The following SCFD2 variants were observed in gnomAD, a reference collection of about 807,000 sequenced individuals.
SCFD2 encodes sec1 family domain containing 2.
Under a neutral mutation model 58.9 loss-of-function variants are expected in SCFD2, and 54 were observed. That is an observed-to-expected ratio of 0.92 (90% CI 0.74 to 1.15). The LOEUF (loss-of-function observed/expected upper bound fraction) is 1.15. Among genes scored for constraint, SCFD2 ranks in the 50% most tolerant of loss-of-function variants. The pLI is 0.00. For synonymous variants in SCFD2, 321 were observed against 335.9 expected (o/e 0.96, Z 0.49); for missense variants, 805 against 836.6 (o/e 0.96, Z 0.47).
chr4:53,123,890 G>A (rs75307664), intron 5 of SCFD2, among the ~76,000 whole-genome samples: 3,877 of 152,234 alleles, frequency 0.025, 157 homozygotes, highest in African/African-American at 0.088. Context: ...TTTAACAACC[G>A]TCTCAGGTGA....
intron 4 of SCFD2, among the ~76,000 whole-genome samples, chr4:53,157,153 T>C (rs573239526): frequency 6.6e-6 from 1 of 152,358 alleles, no homozygotes; most frequent in African/African-American, 2.4e-5. Context: ...ATGTGATTTT[T>C]TGAATTACAT....
chr4:53,108,008 A>C (rs373543234), intron 5 of SCFD2, among the ~76,000 whole-genome samples: 1 of 152,224 alleles, frequency 6.6e-6, no homozygotes. Context: ...AAGAACGGAA[A>C]TCAGAACAAC....
chr4:53,332,706 C>G (rs891712679), intron 2 of SCFD2, among the ~76,000 whole-genome samples: 2 of 152,058 alleles, frequency 1.3e-5, no homozygotes, highest in African/African-American at 4.8e-5. Context: ...GATGCCCTCT[C>G]TCACCACTCC....
Position 53,344,143 on chromosome 4 carries a change from A to G in SCFD2, c.1007+8455T>C, listed in dbSNP as rs1303963453. 4.6e-5 allele frequency among the ~76,000 whole-genome samples: 7 copies of G among 151,850 alleles called. 1 individual carries two copies. The East Asian group carries it at 1.2e-3, about 26-fold the overall frequency. On this transcript the variant is annotated intron_variant, in intron 2 of 8. Transcript: ENST00000401642. ...GAAATAAAGGATATTCAATTAGGAA[A>G]AAAGGAAGTCAAATTGTCTCTGTTT...
chr4:52,975,759 A>C (rs1234158657), intron 5 of SCFD2, among the ~76,000 whole-genome samples: 1 of 152,182 alleles, frequency 6.6e-6, no homozygotes, highest in Non-Finnish European at 1.5e-5. Flanking sequence ...AATAGCAAAG[A>C]CTTGGAACCA....
chr4:53,222,871 T>G (rs1210251954), intron 4 of SCFD2, among the ~76,000 whole-genome samples: 2 of 152,216 alleles, frequency 1.3e-5, no homozygotes, highest in Non-Finnish European at 2.9e-5. Flanking sequence ...TGCATTTAAT[T>G]TGGTACCCAG....
intron 5 of SCFD2, among the ~76,000 whole-genome samples, chr4:53,057,644 C>T (rs1284275641): frequency 1.3e-5 from 2 of 151,958 alleles, no homozygotes; most frequent in Non-Finnish European, 2.9e-5. Flanking sequence ...CAACCCTGTA[C>T]ATTCTGCACA....
At chr4:53,215,338 G>T (rs529548273) in intron 4 of SCFD2, among the ~76,000 whole-genome samples, 2 of 152,208 alleles carry the variant, frequency 1.3e-5, no homozygotes, top group East Asian at 3.9e-4. Flanking sequence ...TTGAGCAGTG[G>T]TTTGTAGTTC....
intron 4 of SCFD2, among the ~76,000 whole-genome samples, chr4:53,213,115 AAATT>A (rs1236366564): frequency 2.6e-5 from 4 of 152,130 alleles, no homozygotes; most frequent in African/African-American, 9.7e-5. Flanking sequence ...AATCACGATT[AAATT>A]ATTTAGTAGG....
At chr4:53,281,714 C>G (rs1349898202) in intron 3 of SCFD2, among the ~76,000 whole-genome samples, 10 of 152,170 alleles carry the variant, frequency 6.6e-5, no homozygotes, top group Admixed American at 5.2e-4. Flanking sequence ...CAAAAGATTG[C>G]AACACCTTTT....
intron 3 of SCFD2, among the ~76,000 whole-genome samples, chr4:53,295,253 T>C (rs1280183575): frequency 6.6e-6 from 1 of 152,224 alleles, no homozygotes; most frequent in Non-Finnish European, 1.5e-5. Context: ...TTTCACAATA[T>C]TGATTCATCC....
At chr4:53,297,335 A>G (rs1732075139) in intron 3 of SCFD2, among the ~76,000 whole-genome samples, 1 of 152,148 alleles carries the variant, frequency 6.6e-6, no homozygotes, top group Non-Finnish European at 1.5e-5. Context: ...TTGGGTACAT[A>G]TATATTTACT....
At chr4:53,230,055 A>G (rs938124641) in intron 4 of SCFD2, among the ~76,000 whole-genome samples, 8 of 152,254 alleles carry the variant, frequency 5.3e-5, no homozygotes, top group African/African-American at 1.9e-4. Flanking sequence ...GAGAATGCAA[A>G]TCAAAACCAC....
At chr4:52,925,259 G>GTGTA (rs1553909086) in intron 5 of SCFD2, among the ~76,000 whole-genome samples, 1 of 147,440 alleles carries the variant, frequency 6.8e-6, no homozygotes, top group African/African-American at 2.5e-5. Flanking sequence ...GGCCACATGT[G>GTGTA]TATATATATA....
chr4:53,256,969 T>A (rs1730663427), intron 4 of SCFD2, among the ~76,000 whole-genome samples: 1 of 151,094 alleles, frequency 6.6e-6, no homozygotes, highest in South Asian at 2.1e-4. Flanking sequence ...TCTTTATAAA[T>A]CATCCAGTCT....
At chr4:53,002,519 T>C (rs1468901869) in intron 5 of SCFD2, among the ~76,000 whole-genome samples, 2 of 152,230 alleles carry the variant, frequency 1.3e-5, no homozygotes, top group Non-Finnish European at 2.9e-5. Flanking sequence ...AGGATTACTA[T>C]CCCCACCACT....
intron 5 of SCFD2, among the ~76,000 whole-genome samples, chr4:52,927,432 C>A (rs1719889749): frequency 6.6e-6 from 1 of 152,170 alleles, no homozygotes; most frequent in Admixed American, 6.5e-5. Context: ...AAGACACCTG[C>A]AGCACAATCT....
chr4:53,341,034 T>C (rs10005221), intron 2 of SCFD2, among the ~76,000 whole-genome samples: 13,806 of 151,906 alleles, frequency 0.091, 1,060 homozygotes, highest in South Asian at 0.21. Context: ...AAGCTGAAAA[T>C]TCTAAAAATC....
chr4:52,888,140 G>A (rs943544800), intron 7 of SCFD2, among the ~76,000 whole-genome samples: 8 of 151,984 alleles, frequency 5.3e-5, no homozygotes, highest in Non-Finnish European at 5.9e-5. Context: ...TCGATCTCCT[G>A]ACCTCATGAT....
Sources: allele counts gnomAD v4.1 joint callset (sites outside exome capture counted in the v4.1 genomes callset), GRCh38; gene constraint gnomAD v4.1.1; transcripts MANE v1.5; gene names NCBI Gene and HGNC (gene_info 2026-07-23, HGNC 2026-07-21).